Variants in NHSL1 observed in about 807,000 individuals in gnomAD.
The protein encoded by NHSL1 is NHS-like protein 1.
NHSL1 carries 48 observed loss-of-function variants against 95.0 expected under a neutral mutation model. The ratio of observed to expected loss-of-function variants is 0.51; its 90% CI spans 0.40 to 0.64. The LOEUF is 0.64. Among genes scored for constraint, NHSL1 ranks in the 30% least tolerant of loss-of-function variants. The probability of loss-of-function intolerance (pLI) is 0.00; values close to 1 mark genes in which losing one functional copy is unlikely to be tolerated. For synonymous variants in NHSL1, 783 were observed against 833.9 expected (o/e 0.94, Z 1.05); for missense variants, 1,971 against 2,077.7 (o/e 0.95, Z 1.00).
At chr6:138,500,083 A>G (rs1178244144), upstream of NHSL1, among the ~76,000 whole-genome samples, 1 of 126,582 alleles carries the variant, frequency 7.9e-6, no homozygotes, top group East Asian at 2.0e-4. Context: ...AACAATCAAG[A>G]AAAAAAAAAA....
chr6:138,576,865 C>T (rs1446719893), upstream of NHSL1, among the ~76,000 whole-genome samples: 1 of 152,180 alleles, frequency 6.6e-6, no homozygotes, highest in African/African-American at 2.4e-5. Context: ...GTCACTTACC[C>T]ATCACTGCTG....
intron 1 of NHSL1, among the ~76,000 whole-genome samples, chr6:138,559,200 G>A (rs1418270779): frequency 6.6e-6 from 1 of 152,254 alleles, no homozygotes; most frequent in Non-Finnish European, 1.5e-5. Context: ...CCCTATGGGG[G>A]ATGGACAGTA....
intron 1 of NHSL1, among the ~76,000 whole-genome samples, chr6:138,556,737 A>G (rs1418387744): frequency 6.6e-6 from 1 of 152,068 alleles, no homozygotes; most frequent in Non-Finnish European, 1.5e-5. Context: ...CGCATTAATG[A>G]GGCTCAAATA....
chr6:138,615,970 G>C lies in NHSL1; in HGVS notation c.96+76506C>G, dbSNP rs576075270. On this transcript the variant is annotated intron_variant, in intron 1 of 3. Coordinates refer to the NHSL1 transcript ENST00000491526. Reference sequence around the variant, plus strand: ...TTAGGGAGTCCAAGGCAGAAGGATCGCTTGAGCCCAGGAGTTTGAGCCCAG... The same window carrying C: ...TTAGGGAGTCCAAGGCAGAAGGATCCCTTGAGCCCAGGAGTTTGAGCCCAG... Among the ~76,000 whole-genome samples the C allele has an allele frequency of 1.9e-4, 29 of 152,306 alleles. No individual in the cohort carries two copies. In the South Asian group the frequency reaches 6.0e-3, roughly 32 times the overall value.
upstream of NHSL1, among the ~76,000 whole-genome samples, chr6:138,503,624 T>C (rs1398301508): frequency 6.6e-6 from 1 of 152,172 alleles, no homozygotes; most frequent in Non-Finnish European, 1.5e-5. Flanking sequence ...TAAGACTGTA[T>C]GGTCCTCAAA....
chr6:138,630,262 T>C (rs1318730566), intron 1 of NHSL1, among the ~76,000 whole-genome samples: 1 of 152,032 alleles, frequency 6.6e-6, no homozygotes, highest in Non-Finnish European at 1.5e-5. Context: ...GTAAACTACA[T>C]ACGTTGATTA....
intron 7 of NHSL1, among the ~76,000 whole-genome samples, chr6:138,429,419 T>A (rs1266020791): frequency 6.6e-6 from 1 of 151,184 alleles, no homozygotes; most frequent in East Asian, 1.9e-4. Flanking sequence ...GCTAATATAC[T>A]CTGTCTTATG....
In NHSL1 at chr6:138,457,811, C is replaced by T. The variant is rs1190231144; in HGVS notation, c.340-10618G>A. On this transcript the variant is annotated intron_variant, in intron 3 of 7. Transcript: ENST00000343505. ...GATCACGAGGTCAGGAGCCCAAGAC[C>T]AGCCTGGTCAACATAGTGAAACCCC... 2.0e-5 allele frequency among the ~76,000 whole-genome samples: 3 copies of T among 152,034 alleles called. No individual in the cohort carries two copies. In the East Asian group the frequency reaches 5.8e-4, roughly 29 times the overall value.
At chr6:138,590,290 G>A (rs984340696) in intron 1 of NHSL1, among the ~76,000 whole-genome samples, 2 of 152,290 alleles carry the variant, frequency 1.3e-5, no homozygotes, top group Non-Finnish European at 1.5e-5. Context: ...AAGCCACTGC[G>A]CCCGGCCTAC....
At chr6:138,571,647 G>A in intron 1 of NHSL1, 1 of 1,481,480 alleles carries the variant, frequency 6.8e-7, no homozygotes, top group Non-Finnish European at 9.1e-7. Flanking sequence ...GGGAGTGATA[G>A]AAACAAAGAA....
chr6:138,521,087 C>T (rs923389809), intron 1 of NHSL1, among the ~76,000 whole-genome samples: 1 of 152,184 alleles, frequency 6.6e-6, no homozygotes, highest in Non-Finnish European at 1.5e-5. Flanking sequence ...CACAAGTGCA[C>T]ACCTATCAGG....
At chr6:138,645,645 C>T (rs1785010632) in intron 1 of NHSL1, among the ~76,000 whole-genome samples, 1 of 151,666 alleles carries the variant, frequency 6.6e-6, no homozygotes, top group African/African-American at 2.4e-5. Flanking sequence ...GTAGCTGGGA[C>T]TACAGGTGTG....
chr6:138,651,361 C>T (rs1286707896), intron 1 of NHSL1, among the ~76,000 whole-genome samples: 1 of 152,206 alleles, frequency 6.6e-6, no homozygotes, highest in Non-Finnish European at 1.5e-5. Context: ...TATTTCTAAA[C>T]ATCTACTAAT....
intron 1 of NHSL1, among the ~76,000 whole-genome samples, chr6:138,615,558 C>T (rs556709522): frequency 3.9e-5 from 6 of 152,236 alleles, no homozygotes; most frequent in Admixed American, 3.3e-4. Flanking sequence ...GCAACCTCCG[C>T]CTCCCAGGTT....
At chr6:138,668,202 G>C (rs113731451) in intron 1 of NHSL1, among the ~76,000 whole-genome samples, 13,638 of 152,118 alleles carry the variant, frequency 0.09, 732 homozygotes, top group African/African-American at 0.15. Context: ...AATCCCAGCA[G>C]TTTGGGAGGC....
chr6:138,674,686 A>G (rs550888949), intron 1 of NHSL1, among the ~76,000 whole-genome samples: 25 of 152,300 alleles, frequency 1.6e-4, no homozygotes, highest in African/African-American at 5.8e-4. Flanking sequence ...TCCATGGTGT[A>G]TACATGCCAC....
At chr6:138,632,892 GA>G (rs1784838946) in intron 1 of NHSL1, among the ~76,000 whole-genome samples, 1 of 152,152 alleles carries the variant, frequency 6.6e-6, no homozygotes, top group Non-Finnish European at 1.5e-5. Context: ...CAATCCTGGA[GA>G]AAGAGATATG....
At chr6:138,592,876 T>A (rs775492108) in intron 1 of NHSL1, among the ~76,000 whole-genome samples, 6 of 152,180 alleles carry the variant, frequency 3.9e-5, no homozygotes, top group Non-Finnish European at 8.8e-5. Context: ...TCCAAAAGCA[T>A]CACATATATA....
chr6:138,575,886 G>A (rs1783961834), upstream of NHSL1, among the ~76,000 whole-genome samples: 1 of 152,080 alleles, frequency 6.6e-6, no homozygotes, highest in Non-Finnish European at 1.5e-5. Context: ...GCAGGGCCAA[G>A]GCTACTTTGT....
Sources: allele counts gnomAD v4.1 joint callset (sites outside exome capture counted in the v4.1 genomes callset), GRCh38; gene constraint gnomAD v4.1.1; transcripts MANE v1.5; gene names NCBI Gene and HGNC (gene_info 2026-07-23, HGNC 2026-07-21).